CCSER1: variants seen among roughly 807,000 people sequenced by gnomAD.
CCSER1 encodes serine-rich coiled-coil domain-containing protein 1.
In CCSER1, 41 loss-of-function variants were observed where a neutral mutation model predicts 82.0. The observed-to-expected ratio is 0.50, with a 90% confidence interval of 0.39 to 0.65. The LOEUF is 0.65. Ranked by LOEUF, CCSER1 falls within the 30% of genes least tolerant of loss-of-function variation. The pLI is 0.00. For missense variants in CCSER1, 1,119 were observed against 1,064.2 expected (o/e 1.05, Z -0.72); for synonymous variants, 414 against 383.9 (o/e 1.08, Z -0.92).
intron 10 of CCSER1, among the ~76,000 whole-genome samples, chr4:91,427,510 T>G (rs2149389605): frequency 6.6e-6 from 1 of 152,220 alleles, no homozygotes; most frequent in South Asian, 2.1e-4. Context: ...CTAAGCATAT[T>G]TTAGATGAGT....
At chr4:91,508,877 T>A (rs1607076) in intron 10 of CCSER1, among the ~76,000 whole-genome samples, 1 of 151,558 alleles carries the variant, frequency 6.6e-6, no homozygotes, top group East Asian at 1.9e-4. Context: ...TATTGGTATA[T>A]GGTGATTCAT....
intron 10 of CCSER1, among the ~76,000 whole-genome samples, chr4:91,349,707 CT>C (rs112091178): frequency 2.5e-4 from 37 of 145,436 alleles, no homozygotes; most frequent in Admixed American, 6.1e-4. Flanking sequence ...GAGAGTTTTT[CT>C]TTTTTTTTTT....
chr4:90,921,744 A>G (rs1728411704), intron 8 of CCSER1, among the ~76,000 whole-genome samples: 1 of 152,040 alleles, frequency 6.6e-6, no homozygotes, highest in African/African-American at 2.4e-5. Flanking sequence ...ACATGAGTGC[A>G]TAGACTCTAA....
chr4:91,585,668 G>A (rs1763952962), intron 10 of CCSER1, among the ~76,000 whole-genome samples: 1 of 151,490 alleles, frequency 6.6e-6, no homozygotes, highest in South Asian at 2.1e-4. Context: ...AGGTAAAAAT[G>A]AAGGGAAGAA....
chr4:90,739,690 C>G (rs1239091733), intron 7 of CCSER1, among the ~76,000 whole-genome samples: 1 of 152,166 alleles, frequency 6.6e-6, no homozygotes, highest in Admixed American at 6.6e-5. Context: ...ATGTTCCCTC[C>G]ATGTCACCAA....
At chr4:90,179,648 C>T (rs531183823) in intron 1 of CCSER1, among the ~76,000 whole-genome samples, 27 of 152,194 alleles carry the variant, frequency 1.8e-4, no homozygotes, top group Non-Finnish European at 3.4e-4. Flanking sequence ...CTCCCAAAGC[C>T]TTGGGATTAC....
intron 7 of CCSER1, among the ~76,000 whole-genome samples, chr4:90,783,734 C>T (rs1754111404): frequency 6.6e-6 from 1 of 152,156 alleles, no homozygotes; most frequent in Non-Finnish European, 1.5e-5. Context: ...CCTCTCTAAC[C>T]TTTCTGTCCA....
intron 4 of CCSER1, among the ~76,000 whole-genome samples, chr4:90,431,527 C>G (rs1758275242): frequency 6.6e-6 from 1 of 152,014 alleles, no homozygotes; most frequent in Admixed American, 6.6e-5. Context: ...CTCACTGTTT[C>G]TTACGATGCT....
intron 6 of CCSER1, among the ~76,000 whole-genome samples, chr4:90,719,044 CCTGGCCACGGACCA>C (rs905685444): frequency 9.2e-5 from 14 of 152,026 alleles, no homozygotes; most frequent in Non-Finnish European, 1.5e-5. Flanking sequence ...TCCTCAACTT[CCTGGCCACGGACCA>C]CTGGTCCGTG....
intron 5 of CCSER1, among the ~76,000 whole-genome samples, chr4:90,593,817 A>C (rs916521841): frequency 6.6e-6 from 1 of 151,946 alleles, no homozygotes; most frequent in Admixed American, 6.6e-5. Context: ...ATTTCTTCTT[A>C]TTGTACTTTC....
At chr4:91,029,614 A>G (rs1314242759) in intron 9 of CCSER1, among the ~76,000 whole-genome samples, 4 of 152,098 alleles carry the variant, frequency 2.6e-5, no homozygotes, top group Non-Finnish European at 5.9e-5. Flanking sequence ...TCAAAGTCAT[A>G]GAAGAACTAA....
chr4:90,613,945 A>G (rs1034557529), intron 5 of CCSER1, among the ~76,000 whole-genome samples: 6 of 152,158 alleles, frequency 3.9e-5, no homozygotes, highest in Admixed American at 2.6e-4. Flanking sequence ...AAATACTGGC[A>G]TATCTCATTT....
chr4:90,392,692 C>G (rs188142717), intron 3 of CCSER1, among the ~76,000 whole-genome samples: 2 of 152,114 alleles, frequency 1.3e-5, no homozygotes, highest in Admixed American at 6.5e-5. Flanking sequence ...GCCTCCAGAG[C>G]AAGAATTCAT....
chr4:90,646,650 A>G (rs1727659178), intron 6 of CCSER1, among the ~76,000 whole-genome samples: 1 of 152,196 alleles, frequency 6.6e-6, no homozygotes, highest in East Asian at 1.9e-4. Flanking sequence ...TTTCTTCACT[A>G]TGTTAACTGA....
chr4:91,037,432 G>A (rs926411903), intron 9 of CCSER1, among the ~76,000 whole-genome samples: 11 of 152,186 alleles, frequency 7.2e-5, no homozygotes, highest in Admixed American at 1.3e-4. Flanking sequence ...AATCTCAGAT[G>A]TAGCTGGAGC....
chr4:90,480,519 T>G (rs528422237), intron 5 of CCSER1, among the ~76,000 whole-genome samples: 68 of 152,324 alleles, frequency 4.5e-4, no homozygotes, highest in Non-Finnish European at 8.1e-4. Context: ...AGGTCTAACA[T>G]TTAAGTCTTT....
chr4:90,326,055 CTTTTTT>C (rs371592827), intron 3 of CCSER1, among the ~76,000 whole-genome samples: 1 of 111,594 alleles, frequency 9.0e-6, no homozygotes, highest in African/African-American at 3.2e-5. Flanking sequence ...TATGTGATAC[CTTTTTT>C]TTTTTTTTTT....
intron 1 of CCSER1, among the ~76,000 whole-genome samples, chr4:90,242,273 C>T (rs1445881555): frequency 6.6e-6 from 1 of 152,178 alleles, no homozygotes; most frequent in East Asian, 1.9e-4. Context: ...TGCCAGTGCA[C>T]TCTAGCCTGG....
At chr4:90,569,790 C>A (rs28566030) in intron 5 of CCSER1, among the ~76,000 whole-genome samples, 6,427 of 152,282 alleles carry the variant, frequency 0.042, 343 homozygotes, top group African/African-American at 0.12. Context: ...CAGGAGAGAG[C>A]AGGGCCACCA....
Sources: allele counts gnomAD v4.1 joint callset (sites outside exome capture counted in the v4.1 genomes callset), GRCh38; gene constraint gnomAD v4.1.1; transcripts MANE v1.5; gene names NCBI Gene and HGNC (gene_info 2026-07-23, HGNC 2026-07-21).